Variants in TMEM175 observed in about 807,000 individuals in gnomAD.
The protein encoded by TMEM175 is endosomal/lysosomal proton channel TMEM175.
A neutral mutation model predicts 36.5 loss-of-function variants in TMEM175; 36 were observed. The observed-to-expected ratio is 0.99, with a 90% confidence interval of 0.76 to 1.30. The LOEUF is 1.30. Among genes scored for constraint, TMEM175 ranks in the 50% most tolerant of loss-of-function variants. The probability of loss-of-function intolerance (pLI) is 0.00; values close to 1 mark genes in which losing one functional copy is unlikely to be tolerated. For synonymous variants in TMEM175, 339 were observed against 313.4 expected (o/e 1.08, Z -0.86); for missense variants, 705 against 692.8 (o/e 1.02, Z -0.20).
Position 947,612 on chromosome 4 carries a change from C to A in TMEM175, c.-31-97C>A, listed in dbSNP as rs1231250422. On this transcript the variant is annotated intron_variant, in intron 1 of 10. Transcript: ENST00000264771. ...CCTGCTCAGTGGCGGCCAAGCCCCC[C>A]CCCATACCAGTCCCTGTCCCTGCAC... The A allele has an allele frequency of 4.3e-6, 4 of 925,590 alleles. No individual in the cohort carries two copies. The East Asian group carries it at 7.9e-5, about 18-fold the overall frequency. 57.3% of individuals were successfully genotyped at this position (925,590 alleles called of 1,614,324 possible). A position where few individuals can be genotyped will look rare whatever the true frequency, so the allele number is the denominator to read the frequency against.
Position 958,124 on chromosome 4 carries a change from C to T in TMEM175, c.1143C>T (p.Thr381=). The T allele has an allele frequency of 6.2e-7, 1 of 1,603,402 alleles. No homozygotes were observed. Among genetic ancestry groups the T allele is most frequent in the Non-Finnish European group, 8.5e-7 (1 of 1,179,712 alleles). ...TGGAGCGCGTGCGTGTCAGCTGCACCATCATCTTCCTGGCCAGCATCTTCC... is the reference window on the plus strand; with the variant it reads ...TGGAGCGCGTGCGTGTCAGCTGCACTATCATCTTCCTGGCCAGCATCTTCC... ...DELERVRVSC[T]IIFLASIFQL... Residue 381 remains threonine (T), a synonymous_variant, in exon 11 of 11, where the codon ACC becomes ACT. Coordinates refer to ENST00000264771, the MANE Select transcript of TMEM175 (RefSeq NM_032326.4).
intron 6 of TMEM175, 94 bp from the exon 7 acceptor site, chr4:952,273 G>A (rs1052135517): frequency 3.6e-6 from 4 of 1,119,578 alleles, no homozygotes; most frequent in Admixed American, 1.7e-5. Flanking sequence ...CCAGCGTCCC[G>A]TGGAGTGGGG....
At position 957,810 on chromosome 4, in the gene TMEM175, T is replaced by C. The variant is rs1484412009; in HGVS notation, c.843-14T>C. 24 of 1,589,636 alleles carry C rather than the reference T, an allele frequency of 1.5e-5. No homozygotes were observed. The highest frequency in any genetic ancestry group is 2.0e-5 in the Non-Finnish European group (23 of 1,166,650). On this transcript the variant is annotated splice_polypyrimidine_tract_variant and intron_variant, in intron 10 of 10. Transcript: ENST00000264771. ...GGCAAGGCCGGCACAAATGCATCTATTCACTGTTCTCAGCGAAGACAACGT... is the reference window on the plus strand; with the variant it reads ...GGCAAGGCCGGCACAAATGCATCTACTCACTGTTCTCAGCGAAGACAACGT...
At chr4:934,799 C>G (rs1357533145) in intron 1 of TMEM175, among the ~76,000 whole-genome samples, 1 of 152,138 alleles carries the variant, frequency 6.6e-6, no homozygotes, top group East Asian at 1.9e-4. Flanking sequence ...TCTTCTATCT[C>G]TTAGAACATA....
intron 3 of TMEM175, among the ~76,000 whole-genome samples, chr4:948,996 C>T (rs1254006839): frequency 2.0e-5 from 3 of 152,090 alleles, no homozygotes; most frequent in African/African-American, 7.2e-5. Flanking sequence ...GCAGGGAGAC[C>T]CTGGGCACCA....
chr4:953,404 T>C lies in TMEM175; in HGVS notation c.627+50T>C, dbSNP rs775746946. The C allele has an allele frequency of 3.9e-6, 6 of 1,548,370 alleles. No homozygotes were observed. The Admixed American group carries it at 7.7e-5, about 20-fold the overall frequency. On this transcript the variant is annotated intron_variant, in intron 8 of 10. Transcript: ENST00000264771. Reference sequence around the variant, plus strand: ...GCCCAGGCAGGAACGGGGGCCACCATAGGAGCAATGTCCCCGCTGAGCAAC... The same window carrying C: ...GCCCAGGCAGGAACGGGGGCCACCACAGGAGCAATGTCCCCGCTGAGCAAC...
chr4:937,842 C>T (rs959014076), intron 1 of TMEM175, among the ~76,000 whole-genome samples: 4 of 152,050 alleles, frequency 2.6e-5, no homozygotes, highest in South Asian at 4.1e-4. Flanking sequence ...GATAGTACAC[C>T]GTGACCGAGT....
At position 951,602 on chromosome 4, in the gene TMEM175, CT is replaced by C. The variant is rs1728897965; in HGVS notation, c.343-78del. The C allele has an allele frequency of 1.9e-5, 31 of 1,591,912 alleles. No homozygotes were observed. The South Asian group carries it at 3.4e-4, about 18-fold the overall frequency. On this transcript the variant is annotated intron_variant, in intron 5 of 10. Transcript: ENST00000264771. ...TCTTGGGGAGGGCCCAGCCCTGTGC[CT>C]TCCCGGAGTGGGCTCTGTCCATTCC...
At chr4:942,480 T>C (rs886934468) in intron 1 of TMEM175, among the ~76,000 whole-genome samples, 2 of 152,152 alleles carry the variant, frequency 1.3e-5, no homozygotes, top group East Asian at 1.9e-4. Context: ...TAACCATAAA[T>C]GTAGGGGTTT....
At chr4:957,204 G>A (rs1215078319) in intron 10 of TMEM175, among the ~76,000 whole-genome samples, 1 of 151,756 alleles carries the variant, frequency 6.6e-6, no homozygotes. Context: ...GTATTGTTCT[G>A]GAGGACAGAA....
chr4:934,071 A>T (rs1178202688), intron 1 of TMEM175, among the ~76,000 whole-genome samples: 1 of 152,262 alleles, frequency 6.6e-6, no homozygotes, highest in Non-Finnish European at 1.5e-5. Context: ...CAGGGCCAAC[A>T]AGTGATACAA....
chr4:956,279 C>T (rs1729625210), intron 10 of TMEM175: 4 of 1,277,172 alleles, frequency 3.1e-6, no homozygotes, highest in Non-Finnish European at 4.0e-6. Context: ...CCTCCCATTC[C>T]CTCCGGCTCC....
rs775657222 is a variant in TMEM175, at chr4:953,343, T to C, written c.616T>C (p.Phe206Leu). The C allele has an allele frequency of 1.4e-5, 23 of 1,611,766 alleles. No homozygotes were observed. Among genetic ancestry groups the C allele is most frequent in the South Asian group, 7.7e-5 (7 of 90,726 alleles). ...TGCAGCGGCCATCTTCTCTCTCTTCTTTGTCCCCTTGGTGAGTGCTGGGAC... is the reference window on the plus strand; with the variant it reads ...TGCAGCGGCCATCTTCTCTCTCTTCCTTGTCCCCTTGGTGAGTGCTGGGAC... ...CFAAAIFSLF[F>L]VPLSYLLMVT... The change falls in exon 8 of 11, where the codon TTT becomes CTT. Residue 206 changes from phenylalanine (F) to leucine (L), a missense_variant. Transcript: ENST00000264771.
At chr4:938,561 G>T (rs1263412553) in intron 1 of TMEM175, among the ~76,000 whole-genome samples, 1 of 152,084 alleles carries the variant, frequency 6.6e-6, no homozygotes, top group Non-Finnish European at 1.5e-5. Flanking sequence ...CGTGAGTTTA[G>T]CAGGGTTCCA....
Position 957,935 on chromosome 4 carries a change from C to T in TMEM175, c.954C>T (p.Ala318=), listed in dbSNP as rs370075019. 2 of 1,612,746 alleles carry T rather than the reference C, an allele frequency of 1.2e-6. No homozygotes were observed. Among genetic ancestry groups the T allele is most frequent in the Non-Finnish European group, 1.7e-6 (2 of 1,179,968 alleles). The part of the protein sequence containing the change: ...PRFLAYFGSF[A]TVGLLWFAHH... ...TCCTGGCGTACTTCGGCTCCTTCGCCACAGTGGGACTGCTGTGGTTCGCCC... is the reference window on the plus strand; with the variant it reads ...TCCTGGCGTACTTCGGCTCCTTCGCTACAGTGGGACTGCTGTGGTTCGCCC... Residue 318 remains alanine (A), a synonymous_variant, in exon 11 of 11, where the codon GCC becomes GCT. Coordinates refer to ENST00000264771, the MANE Select transcript of TMEM175 (RefSeq NM_032326.4).
At chr4:955,664 G>A (rs1729521166) in intron 9 of TMEM175, 91 bp from the exon 10 acceptor site, 1 of 1,542,344 alleles carries the variant, frequency 6.5e-7, no homozygotes, top group Non-Finnish European at 8.8e-7. Flanking sequence ...CACATTCCAG[G>A]CCTCTTCATG....
In TMEM175 at chr4:955,432, C is replaced by T. The variant is rs747126997; in HGVS notation, c.655C>T (p.Leu219Phe). 1.2e-6 allele frequency: 2 copies of T among 1,614,152 alleles called. No homozygotes were observed. Among genetic ancestry groups the T allele is most frequent in the South Asian group, 1.1e-5 (1 of 91,074 alleles). Residue 219 changes from leucine to phenylalanine, a missense_variant, in exon 9 of 11, where the codon CTC becomes TTC. Coordinates refer to ENST00000264771, the MANE Select transcript of TMEM175 (RefSeq NM_032326.4). ...TTACCTGCTGATGGTGACTGTCATC[C>T]TCCTCCCCTATGTCAGCAAGGTCAC... is the stretch of plus-strand genomic sequence containing the variant. Reference protein sequence around the residue: ...LSYLLMVTVILLPYVSKVTGW... With the variant: ...LSYLLMVTVIFLPYVSKVTGW...
intron 6 of TMEM175, 85 bp downstream of exon 6, chr4:951,802 T>C: frequency 6.9e-7 from 1 of 1,441,780 alleles, no homozygotes; most frequent in Non-Finnish European, 9.8e-7. Context: ...ACCAGCTGGA[T>C]GGCCCAGGGC....
intron 3 of TMEM175, among the ~76,000 whole-genome samples, chr4:950,197 G>C (rs898121766): frequency 6.6e-6 from 1 of 152,096 alleles, no homozygotes; most frequent in African/African-American, 2.4e-5. Context: ...GGGGGCTGCA[G>C]GTGCCAGGGG....
Sources: allele counts gnomAD v4.1 joint callset (sites outside exome capture counted in the v4.1 genomes callset), GRCh38; gene constraint gnomAD v4.1.1; transcripts MANE v1.5; gene names NCBI Gene and HGNC (gene_info 2026-07-23, HGNC 2026-07-21).